Variants in MROH9 observed in about 807,000 individuals in gnomAD.
The protein encoded by MROH9 is maestro heat like repeat family member 9.
In MROH9, 92 loss-of-function variants were observed where a neutral mutation model predicts 98.2. The ratio of observed to expected loss-of-function variants is 0.94; its 90% CI spans 0.79 to 1.11. The LOEUF is 1.11. Ranked by LOEUF, MROH9 falls within the 50% of genes most tolerant of loss-of-function variation. The probability of loss-of-function intolerance (pLI) is 0.00; values close to 1 mark genes in which losing one functional copy is unlikely to be tolerated. For missense variants in MROH9, 1,057 were observed against 1,014.8 expected (o/e 1.04, Z -0.57); for synonymous variants, 397 against 368.9 (o/e 1.08, Z -0.87).
At chr1:170,951,397 G>C (rs1449595688) in intron 3 of MROH9, among the ~76,000 whole-genome samples, 1 of 152,050 alleles carries the variant, frequency 6.6e-6, no homozygotes, top group East Asian at 1.9e-4. Flanking sequence ...TTGTTTTTCA[G>C]CAACAGAATC....
At chr1:170,983,634 C>CA in intron 9 of MROH9, 100 bp downstream of exon 9, 2 of 726,246 alleles carry the variant, frequency 2.8e-6, no homozygotes, top group African/African-American at 3.6e-5. Context: ...AGTATTTTTT[C>CA]GTTTTTTTTT....
chr1:170,939,417 G>A (rs567277570), intron 1 of MROH9, among the ~76,000 whole-genome samples: 2 of 152,210 alleles, frequency 1.3e-5, no homozygotes, highest in African/African-American at 4.8e-5. Context: ...CCAAAAGGGG[G>A]CTATAGGGAT....
chr1:171,047,663 C>T (rs1653509268), intron 20 of MROH9, among the ~76,000 whole-genome samples: 1 of 152,028 alleles, frequency 6.6e-6, no homozygotes, highest in Non-Finnish European at 1.5e-5. Context: ...GTCCATGGTG[C>T]CTTATTTAGG....
Position 171,018,167 on chromosome 1 carries a change from C to T in MROH9, c.1908+1831C>T, listed in dbSNP as rs148755561. 3.8e-3 allele frequency among the ~76,000 whole-genome samples: 571 copies of T among 151,064 alleles called. 7 individuals carry two copies. Among genetic ancestry groups the T allele is most frequent in the African/African-American group, 0.013 (534 of 41,410 alleles). On this transcript the variant is annotated intron_variant, in intron 17 of 21. Coordinates refer to ENST00000367759, the MANE Select transcript of MROH9 (RefSeq NM_001163629.2). Reference sequence around the variant, plus strand: ...CCACAGGCATCAGGTTGGTGCCCCTCGAGATCCCAGAGGAAGGAGCAGGCA... The same window carrying T: ...CCACAGGCATCAGGTTGGTGCCCCTTGAGATCCCAGAGGAAGGAGCAGGCA...
intron 3 of MROH9, among the ~76,000 whole-genome samples, chr1:170,952,791 A>G (rs1649607514): frequency 6.6e-6 from 1 of 151,768 alleles, no homozygotes; most frequent in Admixed American, 6.6e-5. Context: ...AGCATTAGCA[A>G]CAGTATCAAT....
chr1:171,011,165 C>G (rs914949153), intron 15 of MROH9, among the ~76,000 whole-genome samples: 1 of 152,094 alleles, frequency 6.6e-6, no homozygotes, highest in African/African-American at 2.4e-5. Flanking sequence ...GACAGCGAGA[C>G]AGATGCCATC....
chr1:171,024,608 A>G (rs1652646195), intron 18 of MROH9, 41 bp from the exon 19 acceptor site: 1 of 1,533,540 alleles, frequency 6.5e-7, no homozygotes, highest in East Asian at 2.5e-5. Flanking sequence ...TTATCTAACA[A>G]CAGATGAATA....
At chr1:171,044,318 A>G (rs954388797) in intron 20 of MROH9, among the ~76,000 whole-genome samples, 1 of 152,148 alleles carries the variant, frequency 6.6e-6, no homozygotes, top group Non-Finnish European at 1.5e-5. Context: ...AAATCCTACT[A>G]AATCATGATG....
intron 3 of MROH9, among the ~76,000 whole-genome samples, chr1:170,949,835 C>T (rs968341964): frequency 1.3e-5 from 2 of 151,802 alleles, no homozygotes; most frequent in South Asian, 2.1e-4. Flanking sequence ...ACATATTTCC[C>T]CCAATTCCTC....
At chr1:170,958,346 C>A in intron 3 of MROH9, 115 bp from the exon 4 acceptor site, 1 of 517,536 alleles carries the variant, frequency 1.9e-6, no homozygotes, top group Non-Finnish European at 3.4e-6. Flanking sequence ...GTTTTCCAGT[C>A]TGATTTGGTT....
In MROH9 at chr1:170,955,166, T is replaced by G. The variant is rs543790817; in HGVS notation, c.73-3295T>G. ...TTCATTTCTTTTTATGGCTGAGTAG[T>G]ATTCCATTTTATGTATATATATATA... On this transcript the variant is annotated intron_variant, in intron 3 of 21. Coordinates refer to ENST00000367759, the MANE Select transcript of MROH9 (RefSeq NM_001163629.2). 4.6e-5 allele frequency among the ~76,000 whole-genome samples: 7 copies of G among 152,262 alleles called. No homozygotes were observed. The East Asian group carries it at 1.3e-3, about 29-fold the overall frequency.
intron 8 of MROH9, among the ~76,000 whole-genome samples, chr1:170,976,919 G>T (rs533392645): frequency 2.0e-5 from 3 of 151,902 alleles, no homozygotes; most frequent in Non-Finnish European, 2.9e-5. Context: ...TGGAGGTTTT[G>T]TTCTTTCCTT....
intron 11 of MROH9, 31 bp downstream of exon 11, chr1:170,990,034 CA>C (rs1429680395): frequency 6.3e-7 from 1 of 1,584,836 alleles, no homozygotes; most frequent in Non-Finnish European, 8.6e-7. Context: ...GTCCCTTCCA[CA>C]AGGGCTTGTT....
At chr1:170,980,050 A>G (rs985255975) in intron 8 of MROH9, among the ~76,000 whole-genome samples, 1 of 152,156 alleles carries the variant, frequency 6.6e-6, no homozygotes, top group Non-Finnish European at 1.5e-5. Context: ...GGACCTCTTC[A>G]AGGAGAACTG....
At chr1:171,047,633 T>C (rs1181697322) in intron 20 of MROH9, among the ~76,000 whole-genome samples, 1 of 152,220 alleles carries the variant, frequency 6.6e-6, no homozygotes, top group African/African-American at 2.4e-5. Flanking sequence ...AGGTCACATG[T>C]CTCTATTTCT....
At chr1:171,014,318 C>T (rs1252483517) in intron 16 of MROH9, 64 bp downstream of exon 16, 5 of 1,418,334 alleles carry the variant, frequency 3.5e-6, no homozygotes, top group East Asian at 2.5e-5. Context: ...TTTGATGTCA[C>T]TTAACATCTT....
intron 21 of MROH9, among the ~76,000 whole-genome samples, chr1:171,063,260 T>A (rs1263152208): frequency 6.7e-6 from 1 of 149,422 alleles, no homozygotes; most frequent in African/African-American, 2.5e-5. Flanking sequence ...GGATTTTTTT[T>A]TTTTTTTTTT....
intron 17 of MROH9, 93 bp from the exon 18 acceptor site, chr1:171,024,302 G>C (rs1490579775): frequency 3.5e-5 from 28 of 797,422 alleles, no homozygotes; most frequent in Admixed American, 1.2e-4. Flanking sequence ...TATTTATATG[G>C]GGTGTGTGTG....
Position 170,948,857 on chromosome 1 carries a change from G to A in MROH9, c.72+1284G>A, listed in dbSNP as rs114819771. Among the ~76,000 whole-genome samples the A allele has an allele frequency of 4.8e-3, 728 of 152,158 alleles. 10 individuals carry two copies. The highest frequency in any genetic ancestry group is 0.016 in the African/African-American group (681 of 41,536). On this transcript the variant is annotated intron_variant, in intron 3 of 21. Transcript: ENST00000367759. ...AAGAGGAAACAGCACCTGTAAAGGC[G>A]TGGAGAAAGAAAAAGCAACATACGT...
Sources: allele counts gnomAD v4.1 joint callset (sites outside exome capture counted in the v4.1 genomes callset), GRCh38; gene constraint gnomAD v4.1.1; transcripts MANE v1.5; gene names NCBI Gene and HGNC (gene_info 2026-07-23, HGNC 2026-07-21).